GLG1: variants seen among roughly 807,000 people sequenced by gnomAD.
The protein encoded by GLG1 is golgi glycoprotein 1, also known as Golgi apparatus protein 1.
A neutral mutation model predicts 160.5 loss-of-function variants in GLG1; 38 were observed. The ratio of observed to expected loss-of-function variants is 0.24; its 90% confidence interval spans 0.18 to 0.31. The LOEUF is 0.31. GLG1 is among the 10% of genes least tolerant of loss of function. The pLI is 1.00. For synonymous variants in GLG1, 644 were observed against 543.4 expected (o/e 1.19, Z -2.57); for missense variants, 1,373 against 1,505.2 (o/e 0.91, Z 1.45).
chr16:74,474,329 G>A, intron 13 of GLG1: 1 of 512,604 alleles, frequency 2.0e-6, no homozygotes, highest in Non-Finnish European at 3.5e-6. Flanking sequence ...GAAAACCAAA[G>A]GGCTGTATAG....
At chr16:74,559,675 T>G (rs924340413) in intron 1 of GLG1, among the ~76,000 whole-genome samples, 5 of 152,134 alleles carry the variant, frequency 3.3e-5, no homozygotes, top group Non-Finnish European at 5.9e-5. Context: ...ATTCTTTGCC[T>G]GCTTTTTCTT....
intron 1 of GLG1, among the ~76,000 whole-genome samples, chr16:74,574,723 A>C (rs2018935875): frequency 6.6e-6 from 1 of 151,124 alleles, no homozygotes; most frequent in Admixed American, 6.6e-5. Context: ...TTTCTACTAA[A>C]AACACAAAAA....
At chr16:74,584,489 T>C (rs1958003359) in intron 1 of GLG1, among the ~76,000 whole-genome samples, 1 of 152,164 alleles carries the variant, frequency 6.6e-6, no homozygotes, top group African/African-American at 2.4e-5. Context: ...ACCAATTAGT[T>C]TCAGTTTCAC....
chr16:74,596,081 G>C (rs1958295545), intron 1 of GLG1, among the ~76,000 whole-genome samples: 1 of 151,996 alleles, frequency 6.6e-6, no homozygotes, highest in Non-Finnish European at 1.5e-5. Flanking sequence ...ACGTGAAAGT[G>C]GAGTTTTCCT....
chr16:74,465,826 A>G lies in GLG1; in HGVS notation c.2530-13T>C. The G allele has an allele frequency of 6.2e-7, 1 of 1,612,874 alleles. No individual in the cohort carries two copies. Among genetic ancestry groups the G allele is most frequent in the Non-Finnish European group, 8.5e-7 (1 of 1,178,994 alleles). ...GACATTCGATAATCTATGGCAAAAG[A>G]GTTATAGTCAAGTTGAGAGATGTCA... On this transcript the variant is annotated splice_polypyrimidine_tract_variant and intron_variant, in intron 18 of 25. Coordinates refer to ENST00000422840, the MANE Select transcript of GLG1 (RefSeq NM_001145667.2).
Position 74,465,903 on chromosome 16 carries a change from C to G in GLG1, c.2530-90G>C, listed in dbSNP as rs574484359. On this transcript the variant is annotated intron_variant, in intron 18 of 25. Transcript: ENST00000422840. ...TGAAACATTCAGCTCCACTGTGCCT[C>G]CCATTTCTTTATCCATTTCTCATTC... 75 of 1,078,174 alleles carry G rather than the reference C, an allele frequency of 7.0e-5. 1 individual carries two copies. Among genetic ancestry groups the G allele is most frequent in the Non-Finnish European group, 9.9e-5 (71 of 717,250 alleles). The allele number at this position is 1,078,174 out of a possible 1,614,324, so 66.8% of individuals were successfully genotyped here. A position where few individuals can be genotyped will look rare whatever the true frequency, so the allele number is the denominator to read the frequency against.
chr16:74,500,467 C>CAAA (rs1396073345), intron 4 of GLG1, among the ~76,000 whole-genome samples: 1 of 140,378 alleles, frequency 7.1e-6, no homozygotes. Context: ...ACGGCCCCCA[C>CAAA]AAAAAAAAAC....
At chr16:74,596,518 T>C (rs1376397850) in intron 1 of GLG1, among the ~76,000 whole-genome samples, 1 of 151,912 alleles carries the variant, frequency 6.6e-6, no homozygotes, top group Non-Finnish European at 1.5e-5. Context: ...CACAAGAGAC[T>C]CCACCTCAAA....
chr16:74,541,249 G>C (rs2017857995), intron 1 of GLG1, among the ~76,000 whole-genome samples: 1 of 151,424 alleles, frequency 6.6e-6, no homozygotes, highest in Non-Finnish European at 1.5e-5. Context: ...ACTTGAACCT[G>C]GGAGGCAGAG....
rs914801791 is a variant in GLG1, at chr16:74,475,728, G to C, written c.1966-1096C>G. ...AGGATCAAGTTTAACTTACTATTCT[G>C]CAAGAATCTCTCTGTTTCAGAATTA... On this transcript the variant is annotated intron_variant, in intron 12 of 25. Coordinates refer to ENST00000422840, the MANE Select transcript of GLG1 (RefSeq NM_001145667.2). Among the ~76,000 whole-genome samples, 3 of 152,142 alleles carry C rather than the reference G, an allele frequency of 2.0e-5. No individual in the cohort carries two copies. In the East Asian group the frequency reaches 5.8e-4, roughly 29 times the overall value.
intron 1 of GLG1, among the ~76,000 whole-genome samples, chr16:74,541,866 C>A (rs1415232000): frequency 6.6e-6 from 1 of 151,388 alleles, no homozygotes; most frequent in East Asian, 1.9e-4. Flanking sequence ...AATTTTTATA[C>A]CATGTGTAAG....
rs1023924608 is a variant in GLG1 at position 74,584,512 on chromosome 16, T to C, written c.438+22145A>G. Among the ~76,000 whole-genome samples, 18 of 152,162 alleles carry C rather than the reference T, an allele frequency of 1.2e-4. 1 individual carries two copies. The highest frequency in any genetic ancestry group is 4.3e-4 in the African/African-American group (18 of 41,454). Reference sequence around the variant, plus strand: ...GTTTCAGTTTCACTTTAGAAACCTATCCTTAAATCCTAGGGAGCTAAGTAA... The same window carrying C: ...GTTTCAGTTTCACTTTAGAAACCTACCCTTAAATCCTAGGGAGCTAAGTAA... On this transcript the variant is annotated intron_variant, in intron 1 of 25. Transcript: ENST00000422840.
intron 9 of GLG1, among the ~76,000 whole-genome samples, chr16:74,484,223 T>C (rs1200958341): frequency 6.6e-6 from 1 of 152,180 alleles, no homozygotes; most frequent in Admixed American, 6.5e-5. Context: ...CATAGCAGCA[T>C]GAGATAAACA....
At chr16:74,526,241 G>A (rs933222863) in intron 2 of GLG1, among the ~76,000 whole-genome samples, 2 of 149,732 alleles carry the variant, frequency 1.3e-5, no homozygotes, top group African/African-American at 4.9e-5. Flanking sequence ...GGTTGGTAAA[G>A]GCAGGGTATG....
Position 74,450,825 on chromosome 16 carries a change from G to T in GLG1, c.*2342C>A, listed in dbSNP as rs1420003460. The stretch of plus-strand genomic sequence containing the variant: ...ATCGCGCCACTGCACTGCAGCCTGG[G>T]CAACAGAGAGATACTCTGTCTCAAA... On this transcript the variant is annotated 3_prime_UTR_variant, in exon 26 of 26. Coordinates refer to ENST00000422840, the MANE Select transcript of GLG1 (RefSeq NM_001145667.2). 1 of 149,494 alleles carries T rather than the reference G, an allele frequency of 6.7e-6. No individual in the cohort carries two copies. The highest frequency in any genetic ancestry group is 1.5e-5 in the Non-Finnish European group (1 of 67,738). 9.3% of individuals were successfully genotyped at this position (149,494 alleles called of 1,614,324 possible).
At chr16:74,550,858 T>C (rs1221787277) in intron 1 of GLG1, among the ~76,000 whole-genome samples, 1 of 152,214 alleles carries the variant, frequency 6.6e-6, no homozygotes, top group East Asian at 1.9e-4. Context: ...GGGCAGTAGA[T>C]GTGAGAAGCT....
chr16:74,571,572 C>T (rs1371903681), intron 1 of GLG1, among the ~76,000 whole-genome samples: 2 of 151,564 alleles, frequency 1.3e-5, no homozygotes, highest in Non-Finnish European at 2.9e-5. Context: ...GAGAATCGCT[C>T]GTACCCAGGA....
At chr16:74,503,484 A>T in intron 4 of GLG1, 47 bp downstream of exon 4, 1 of 1,277,600 alleles carries the variant, frequency 7.8e-7, no homozygotes, top group Non-Finnish European at 1.1e-6. Flanking sequence ...CTTTTCATAC[A>T]CCAAATTTTA....
chr16:74,542,442 C>T (rs988973585), intron 1 of GLG1, among the ~76,000 whole-genome samples: 1 of 151,758 alleles, frequency 6.6e-6, no homozygotes, highest in East Asian at 1.9e-4. Context: ...CTGAGGCGGG[C>T]GGATCACCTG....
Sources: gnomAD v4.1 joint callset for allele counts (sites outside exome capture counted in the v4.1 genomes callset) on GRCh38, gnomAD v4.1.1 for gene constraint, MANE v1.5 for transcripts, NCBI Gene and HGNC (gene_info 2026-07-23, HGNC 2026-07-21) for gene names.